Variants in DGKZ observed in about 807,000 individuals in gnomAD.
DGKZ encodes DAG kinase zeta.
DGKZ carries 45 observed loss-of-function variants against 142.5 expected under a neutral mutation model. That is an observed-to-expected ratio of 0.32 (90% CI 0.25 to 0.40). DGKZ has a LOEUF of 0.40. DGKZ is among the 10% of genes least tolerant of loss of function. The pLI is 1.00. For synonymous variants in DGKZ, 442 were observed against 527.0 expected (o/e 0.84, Z 2.21); for missense variants, 755 against 1,306.5 (o/e 0.58, Z 6.51).
chr11:46,359,707 G>A (rs574021743), intron 1 of DGKZ, among the ~76,000 whole-genome samples: 39 of 151,806 alleles, frequency 2.6e-4, no homozygotes, highest in African/African-American at 7.0e-4. Flanking sequence ...AGGTTCAAGC[G>A]ATTCTCCTGC....
Position 46,374,468 on chromosome 11 carries a change from G to C in DGKZ, c.1461+14G>C, listed in dbSNP as rs1345132687. ...TTCTACGCCGGGGTGAGTGGGGTCT[G>C]CACCCCCGCCTGTGCCCACCTCTTC... On this transcript the variant is annotated intron_variant, in intron 16 of 30. Transcript: ENST00000527911. 1.2e-6 allele frequency: 2 copies of C among 1,613,696 alleles called. No individual in the cohort carries two copies. Among genetic ancestry groups the C allele is most frequent in the South Asian group, 2.2e-5 (2 of 91,088 alleles).
At chr11:46,333,792 G>A (rs1350779562) in intron 1 of DGKZ, among the ~76,000 whole-genome samples, 1 of 152,130 alleles carries the variant, frequency 6.6e-6, no homozygotes. Context: ...GCTGGGGAGA[G>A]CCAGGAGATG....
chr11:46,336,585 T>C (rs922618019), intron 1 of DGKZ, among the ~76,000 whole-genome samples: 6 of 152,124 alleles, frequency 3.9e-5, no homozygotes, highest in African/African-American at 1.4e-4. Flanking sequence ...TTTTTTGTTT[T>C]TGTTTTTGAG....
At chr11:46,377,707 C>T (rs142449097) in intron 25 of DGKZ, 5 of 221,174 alleles carry the variant, frequency 2.3e-5, no homozygotes, top group Non-Finnish European at 3.6e-5. Flanking sequence ...GCTCCCAGCC[C>T]CCTCCCTGAG....
In DGKZ at chr11:46,379,506, C is replaced by A. The variant is rs1476648866; in HGVS notation, c.2626C>A (p.Gln876Lys). The stretch of plus-strand genomic sequence containing the variant: ...TTTGCACCAAGCAGCGGCCCTGGGC[C>A]AGCGCACCATCTGCCACTACATCGT... The change falls in exon 30 of 31, where the codon CAG becomes AAG. Residue 876 changes from glutamine (Q) to lysine (K), a missense_variant. By Grantham distance (53) the Gln-to-Lys change is moderately conservative (BLOSUM62 1). Coordinates refer to ENST00000527911, the Ensembl canonical transcript of DGKZ. 3 of 1,611,558 alleles carry A rather than the reference C, an allele frequency of 1.9e-6. No homozygotes were observed. The South Asian group carries it at 3.3e-5, about 18-fold the overall frequency.
At chr11:46,379,173 CCT>C in intron 28 of DGKZ, 28 bp from the exon 29 acceptor site, 1 of 1,612,560 alleles carries the variant, frequency 6.2e-7, no homozygotes, top group Non-Finnish European at 8.5e-7. Flanking sequence ...GGCTGCCAGG[CCT>C]CTCTGACCAC....
Position 46,372,072 on chromosome 11 carries a change from C to T in DGKZ, c.832-3C>T, listed in dbSNP as rs373459919. On this transcript the variant is annotated splice_region_variant and splice_polypyrimidine_tract_variant and intron_variant, in intron 9 of 30. Coordinates refer to ENST00000527911, the Ensembl canonical transcript of DGKZ. The surrounding 1 kb of genome is among the most constrained non-coding windows in gnomAD (Gnocchi z 5.9). ...GCTTACAGCCTCTCACCTTGTCTCC[C>T]AGGAGGGCCGCTGGAGACCCTTCAT... 17 of 1,607,440 alleles carry T rather than the reference C, an allele frequency of 1.1e-5. No homozygotes were observed. In the African/African-American group the frequency reaches 1.6e-4, roughly 15 times the overall value.
intron 1 of DGKZ, chr11:46,365,868 C>T: frequency 1.0e-6 from 1 of 985,426 alleles, no homozygotes; most frequent in South Asian, 4.7e-5. Context: ...CAGCTTCCGG[C>T]AGGGCAGGTG....
At chr11:46,365,442 C>A (rs915433131) in intron 1 of DGKZ, 8 of 985,396 alleles carry the variant, frequency 8.1e-6, no homozygotes, top group Non-Finnish European at 8.4e-6. Flanking sequence ...ACGCACACAC[C>A]CAGAATCCAG....
chr11:46,380,371 C>G (rs1945080415), downstream of DGKZ: 1 of 159,204 alleles, frequency 6.3e-6, no homozygotes, highest in Non-Finnish European at 1.4e-5. Flanking sequence ...TCCGGGCTTC[C>G]TCCCGGAAAC....
chr11:46,333,367 G>A lies in DGKZ; in HGVS notation c.92G>A (p.Arg31Gln), dbSNP rs1286309636. ...GAGGAGGTGGTGCGGCGGCGATGCCGGCGCGGGGAGGAGGCCCAGGTCGCG... is the reference window on the plus strand; with the variant it reads ...GAGGAGGTGGTGCGGCGGCGATGCCAGCGCGGGGAGGAGGCCCAGGTCGCG... The change falls in exon 1 of 31, where the codon CGG becomes CAG. Residue 31 changes from arginine to glutamine, a missense_variant. Transcript: ENST00000343674. The A allele has an allele frequency of 1.5e-6, 2 of 1,376,502 alleles. No homozygotes were observed. The highest frequency in any genetic ancestry group is 3.1e-5 in the East Asian group (1 of 32,564). The allele number at this position is 1,376,502 out of a possible 1,614,324, so 85.3% of individuals were successfully genotyped here.
At chr11:46,380,058 A>C in exon 31 of DGKZ, 1 of 1,115,876 alleles carries the variant, frequency 9.0e-7, no homozygotes, top group Non-Finnish European at 1.3e-6. Context: ...CCTAGGCCCC[A>C]GGGAAAGAGC....
Position 46,367,712 on chromosome 11 carries a change from T to C in DGKZ, c.331T>C (p.Tyr111His), listed in dbSNP as rs1401880482. ...GACCAACGTGTCCGGGGACTTCTGCTACGTTGGGGAGCAGTACTGTGTAGC... is the reference window on the plus strand; with the variant it reads ...GACCAACGTGTCCGGGGACTTCTGCCACGTTGGGGAGCAGTACTGTGTAGC... Residue 111 changes from tyrosine to histidine, a missense_variant, in exon 3 of 31, where the codon TAC becomes CAC. Physicochemically the swap from Tyr to His is moderately conservative, Grantham distance 83. Coordinates refer to ENST00000527911, the Ensembl canonical transcript of DGKZ. This position sits in a 1 kb window ranked among gnomAD's most constrained non-coding sequence, Gnocchi z 4.1. 1.2e-6 allele frequency: 2 copies of C among 1,612,484 alleles called. No homozygotes were observed. Among genetic ancestry groups the C allele is most frequent in the South Asian group, 2.2e-5 (2 of 91,046 alleles).
At position 46,372,923 on chromosome 11, in the gene DGKZ, C is replaced by G. The variant is rs568681033; in HGVS notation, c.1186-38C>G. ...GGAGGGGGGTGCAGCTGGGGCCTCT[C>G]CAGCCACAGAGGGCTCAGTCCCTGC... On this transcript the variant is annotated intron_variant, in intron 13 of 30. Coordinates refer to ENST00000527911, the Ensembl canonical transcript of DGKZ. This position sits in a 1 kb window ranked among gnomAD's most constrained non-coding sequence, Gnocchi z 5.9. The G allele has an allele frequency of 3.5e-5, 55 of 1,555,962 alleles. 2 individuals carry two copies. The South Asian group carries it at 6.3e-4, about 18-fold the overall frequency.
chr11:46,379,397 G>A (rs1944953894), intron 29 of DGKZ, 72 bp from the exon 30 acceptor site: 4 of 1,576,064 alleles, frequency 2.5e-6, no homozygotes, highest in Admixed American at 1.8e-5. Flanking sequence ...TGCCCTTTCT[G>A]ATGGCCCTTG....
At chr11:46,374,575 C>T (rs771526811) in intron 16 of DGKZ, 29 bp from the exon 17 acceptor site, 1 of 1,595,010 alleles carries the variant, frequency 6.3e-7, no homozygotes, top group Admixed American at 1.7e-5. Flanking sequence ...TCTCTGTCAG[C>T]AGATGGTGAC....
At position 46,376,571 on chromosome 11, in the gene DGKZ, G is replaced by A. The variant is rs749092650; in HGVS notation, c.2202+7G>A. 16 of 1,613,348 alleles carry A rather than the reference G, an allele frequency of 9.9e-6. No homozygotes were observed. Among genetic ancestry groups the A allele is most frequent in the South Asian group, 5.5e-5 (5 of 91,092 alleles). On this transcript the variant is annotated splice_region_variant and intron_variant, in intron 24 of 30. Transcript: ENST00000527911. Reference sequence around the variant, plus strand: ...CAGGATCGACCGAGCCCAGGTGAGCGATTGCAGGCCTGCTCCAGCCACAGC... The same window carrying A: ...CAGGATCGACCGAGCCCAGGTGAGCAATTGCAGGCCTGCTCCAGCCACAGC...
intron 25 of DGKZ, chr11:46,377,420 C>T (rs1565084936): frequency 1.1e-6 from 1 of 945,126 alleles, no homozygotes; most frequent in Non-Finnish European, 1.5e-6. Context: ...CTGACTTCTC[C>T]CTCCTCTGGA....
intron 1 of DGKZ, among the ~76,000 whole-genome samples, chr11:46,335,424 C>T (rs911863644): frequency 1.8e-4 from 26 of 142,264 alleles, no homozygotes; most frequent in African/African-American, 7.8e-4. Flanking sequence ...TGCACACGTG[C>T]ACGCACACAC....
Sources: allele counts gnomAD v4.1 joint callset (sites outside exome capture counted in the v4.1 genomes callset), GRCh38; gene constraint gnomAD v4.1.1; non-coding constraint Gnocchi (gnomAD v3.1); transcripts MANE v1.5; gene names NCBI Gene and HGNC (gene_info 2026-07-23, HGNC 2026-07-21).